Variants in EDIL3 observed in about 807,000 individuals in gnomAD.
The protein encoded by EDIL3 is EGF like and discoidin domains 3.
Under a neutral mutation model 67.4 loss-of-function variants are expected in EDIL3, and 37 were observed. The observed-to-expected ratio is 0.55, with a 90% CI of 0.42 to 0.72. The LOEUF is 0.72. Ranked by LOEUF, EDIL3 falls within the 30% of genes least tolerant of loss-of-function variation. EDIL3 has a pLI of 0.00. For missense variants in EDIL3, 527 were observed against 586.3 expected (o/e 0.90, Z 1.04); for synonymous variants, 195 against 196.3 (o/e 0.99, Z 0.05).
chr5:84,232,293 G>C (rs1729329062), intron 2 of EDIL3, among the ~76,000 whole-genome samples: 1 of 152,132 alleles, frequency 6.6e-6, no homozygotes, highest in Non-Finnish European at 1.5e-5. Flanking sequence ...ATCCTTTCAA[G>C]AAATGGAGTT....
chr5:84,021,669 T>C (rs1352799596), intron 9 of EDIL3, among the ~76,000 whole-genome samples: 1 of 152,036 alleles, frequency 6.6e-6, no homozygotes, highest in Non-Finnish European at 1.5e-5. Flanking sequence ...CGTTGTATAT[T>C]TGGCAGTTGT....
chr5:84,141,278 A>G (rs371097774), intron 4 of EDIL3, among the ~76,000 whole-genome samples: 102 of 151,170 alleles, frequency 6.7e-4, no homozygotes, highest in Middle Eastern at 3.5e-3. Context: ...TTCATAAAAC[A>G]GCTTCAAAAT....
chr5:84,090,449 A>G (rs563162518), intron 6 of EDIL3, among the ~76,000 whole-genome samples: 2 of 152,232 alleles, frequency 1.3e-5, no homozygotes, highest in African/African-American at 4.8e-5. Flanking sequence ...AGTGATTTCT[A>G]CATTTTCTCG....
chr5:84,362,823 C>T (rs1580102387), intron 1 of EDIL3, among the ~76,000 whole-genome samples: 2 of 152,186 alleles, frequency 1.3e-5, no homozygotes, highest in East Asian at 3.9e-4. Context: ...TCAAAAGATA[C>T]TCTTGAATTA....
At chr5:84,033,531 T>C (rs1419177722) in intron 9 of EDIL3, among the ~76,000 whole-genome samples, 1 of 151,732 alleles carries the variant, frequency 6.6e-6, no homozygotes, top group African/African-American at 2.4e-5. Flanking sequence ...CAAAACCCCG[T>C]CTCTACCTAA....
At chr5:84,297,612 C>T (rs754887668) in intron 1 of EDIL3, among the ~76,000 whole-genome samples, 4 of 152,064 alleles carry the variant, frequency 2.6e-5, no homozygotes, top group Non-Finnish European at 4.4e-5. Context: ...AGGGGACCAT[C>T]GGGAGTTTAT....
intron 4 of EDIL3, among the ~76,000 whole-genome samples, chr5:84,171,760 C>G (rs918416661): frequency 3.3e-5 from 5 of 152,152 alleles, no homozygotes; most frequent in Non-Finnish European, 7.4e-5. Context: ...CACTGATTTT[C>G]AGTCTTAGTT....
At chr5:84,009,475 T>C (rs988872910) in intron 9 of EDIL3, among the ~76,000 whole-genome samples, 11 of 152,172 alleles carry the variant, frequency 7.2e-5, no homozygotes, top group Admixed American at 5.2e-4. Context: ...ATAACAAATA[T>C]GTTTAACATA....
intron 9 of EDIL3, among the ~76,000 whole-genome samples, chr5:83,983,742 CTTT>C (rs550782079): frequency 2.4e-5 from 3 of 126,924 alleles, no homozygotes; most frequent in African/African-American, 2.9e-5. Context: ...CAGGGACTTT[CTTT>C]TTTTTTTTTT....
intron 3 of EDIL3, among the ~76,000 whole-genome samples, chr5:84,186,156 T>G (rs1421005782): frequency 6.6e-6 from 1 of 152,068 alleles, no homozygotes; most frequent in African/African-American, 2.4e-5. Flanking sequence ...ACTTTGTGGT[T>G]ACCCCCATTC....
At chr5:84,257,772 GA>G (rs1300362967) in intron 1 of EDIL3, among the ~76,000 whole-genome samples, 20 of 152,266 alleles carry the variant, frequency 1.3e-4, no homozygotes, top group Non-Finnish European at 1.5e-4. Flanking sequence ...TGTTAAGTAT[GA>G]AGGTTAATAC....
intron 5 of EDIL3, among the ~76,000 whole-genome samples, chr5:84,130,959 G>A (rs1347942219): frequency 3.3e-5 from 5 of 150,418 alleles, no homozygotes; most frequent in South Asian, 2.1e-4. Context: ...TGTAAAACAT[G>A]GTATGTAGGC....
chr5:84,312,155 A>G (rs1277875052), intron 1 of EDIL3, among the ~76,000 whole-genome samples: 1 of 148,328 alleles, frequency 6.7e-6, no homozygotes, highest in Non-Finnish European at 1.5e-5. Flanking sequence ...GGCGCCCCTC[A>G]CCTCCCGGAC....
chr5:84,055,767 C>T (rs1746433782), intron 9 of EDIL3, among the ~76,000 whole-genome samples: 1 of 152,178 alleles, frequency 6.6e-6, no homozygotes, highest in Non-Finnish European at 1.5e-5. Context: ...GAGATACCAT[C>T]TCACACCAGT....
chr5:84,114,655 C>A (rs1027648871), intron 5 of EDIL3, among the ~76,000 whole-genome samples: 3 of 152,134 alleles, frequency 2.0e-5, no homozygotes, highest in Non-Finnish European at 4.4e-5. Flanking sequence ...ATACTGTTTT[C>A]AAAAATTAGT....
At chr5:84,121,843 T>C (rs1013685703) in intron 5 of EDIL3, among the ~76,000 whole-genome samples, 2 of 152,034 alleles carry the variant, frequency 1.3e-5, no homozygotes, top group Non-Finnish European at 2.9e-5. Context: ...AGCATTTAAA[T>C]ATACTTTTAA....
chr5:84,084,921 T>A (rs987216002), intron 6 of EDIL3, among the ~76,000 whole-genome samples: 13 of 152,318 alleles, frequency 8.5e-5, no homozygotes, highest in African/African-American at 2.2e-4. Context: ...TTCAATTTTT[T>A]AAAAAATCTA....
In EDIL3 at chr5:84,224,813, G is replaced by C. The variant is rs553270068; in HGVS notation, c.226+5042C>G. ...TGTAATCCCATAAGCAGATTCAGAA[G>C]GAAGTTTCAAAAAAATAGTTTCCAA... On this transcript the variant is annotated intron_variant, in intron 3 of 10. Coordinates refer to ENST00000296591, the MANE Select transcript of EDIL3 (RefSeq NM_005711.5). Among the ~76,000 whole-genome samples, 28 of 151,436 alleles carry C rather than the reference G, an allele frequency of 1.8e-4. No individual in the cohort carries two copies. The South Asian group carries it at 5.4e-3, about 29-fold the overall frequency.
chr5:83,980,943 G>T (rs1744960317), intron 9 of EDIL3, among the ~76,000 whole-genome samples: 1 of 151,878 alleles, frequency 6.6e-6, no homozygotes. Flanking sequence ...CAAAGGAAAT[G>T]CAAGACTCAT....
Sources: gnomAD v4.1 joint callset for allele counts (sites outside exome capture counted in the v4.1 genomes callset) on GRCh38, gnomAD v4.1.1 for gene constraint, MANE v1.5 for transcripts, NCBI Gene and HGNC (gene_info 2026-07-23, HGNC 2026-07-21) for gene names.